Variants in NIPSNAP2 observed in about 807,000 individuals in gnomAD.
The protein encoded by NIPSNAP2 is nipsnap homolog 2.
NIPSNAP2 carries 42 observed loss-of-function variants against 48.4 expected under a neutral mutation model. The observed-to-expected ratio is 0.87, with a 90% CI of 0.68 to 1.12. The LOEUF is 1.12. Ranked by LOEUF, NIPSNAP2 falls within the 50% of genes most tolerant of loss-of-function variation. The pLI, the probability that NIPSNAP2 is intolerant of heterozygous loss-of-function variation, is 0.00. For missense variants in NIPSNAP2, 314 were observed against 347.3 expected, an observed-to-expected ratio of 0.90 and a Z score of 0.76; for synonymous variants, 158 against 126.6, an observed-to-expected ratio of 1.25 and a Z score of -1.67.
chr7:55,974,863 A>AG (rs1554341936), intron 1 of NIPSNAP2, among the ~76,000 whole-genome samples: 14 of 148,866 alleles, frequency 9.4e-5, no homozygotes, highest in Admixed American at 2.7e-4. Flanking sequence ...AAAAAAAAAA[A>AG]AAAAGAAATA....
chr7:55,982,287 A>G lies in NIPSNAP2; in HGVS notation c.444+7A>G. 6.5e-7 allele frequency: 1 copy of G among 1,539,436 alleles called. No individual in the cohort carries two copies. The highest frequency in any genetic ancestry group is 2.3e-5 in the East Asian group (1 of 44,312). On this transcript the variant is annotated splice_region_variant and intron_variant, in intron 5 of 9. Coordinates refer to ENST00000322090, the MANE Select transcript of NIPSNAP2 (RefSeq NM_001483.3). Reference sequence around the variant, plus strand: ...TAAACTCAGAGAAAATAAGGTAATGATATTGAAAAATGTTTACTTAGACTA... The same window carrying G: ...TAAACTCAGAGAAAATAAGGTAATGGTATTGAAAAATGTTTACTTAGACTA...
chr7:55,988,516 G>A (rs1047004310), intron 7 of NIPSNAP2, among the ~76,000 whole-genome samples: 2 of 152,086 alleles, frequency 1.3e-5, no homozygotes, highest in Non-Finnish European at 2.9e-5. Context: ...ATTGCTGATG[G>A]GAATGTAAAA....
intron 7 of NIPSNAP2, among the ~76,000 whole-genome samples, chr7:55,988,531 G>A (rs1387151544): frequency 6.6e-6 from 1 of 152,072 alleles, no homozygotes; most frequent in East Asian, 1.9e-4. Context: ...GTAAAATGGT[G>A]CAGCCACTTT....
intron 7 of NIPSNAP2, among the ~76,000 whole-genome samples, chr7:55,993,442 G>C (rs1433972191): frequency 6.6e-6 from 1 of 151,970 alleles, no homozygotes; most frequent in Non-Finnish European, 1.5e-5. Context: ...AGCCAGACGT[G>C]GTGGTGGGCG....
intron 3 of NIPSNAP2, chr7:55,980,562 C>T (rs1787192433): frequency 6.6e-6 from 1 of 152,158 alleles, no homozygotes. Context: ...TTTTTCTATT[C>T]AAAAAGTGTG....
chr7:55,996,324 A>T (rs1203331341), intron 8 of NIPSNAP2, among the ~76,000 whole-genome samples: 1 of 151,516 alleles, frequency 6.6e-6, no homozygotes, highest in African/African-American at 2.4e-5. Flanking sequence ...AGGCATCTGG[A>T]TGAGATACCT....
At position 55,978,223 on chromosome 7, in the gene NIPSNAP2, C is replaced by G. The variant is rs201209040; in HGVS notation, c.190C>G (p.Leu64Val). ...TCCAAGAAAAGATGCCCACTCCAAT[C>G]TCCTAGCCAAAAAGGAAACAAGCAA... ...VDPRKDAHSN[L>V]LAKKETSNLY... The change falls in exon 2 of 10, where the codon CTC (leucine) becomes GTC (valine). Residue 64 changes from leucine (L) to valine (V), a missense_variant. Leu to Val is a conservative substitution (Grantham distance 32, BLOSUM62 1). Coordinates refer to ENST00000322090, the MANE Select transcript of NIPSNAP2 (RefSeq NM_001483.3). 1.4e-5 allele frequency: 22 copies of G among 1,614,200 alleles called. No homozygotes were observed. Among genetic ancestry groups the G allele is most frequent in the Non-Finnish European group, 1.7e-5 (20 of 1,180,028 alleles).
intron 7 of NIPSNAP2, chr7:55,991,758 A>AG: frequency 5.9e-6 from 1 of 168,986 alleles, no homozygotes; most frequent in Non-Finnish European, 1.2e-5. Context: ...CAAAAAAAAA[A>AG]AAAAAAAATA....
chr7:55,983,998 T>TATATATGTA, intron 6 of NIPSNAP2, 130 bp downstream of exon 6: 17 of 672,022 alleles, frequency 2.5e-5, no homozygotes, highest in South Asian at 1.1e-4. Context: ...TATATATGTA[T>TATATATGTA]TTTTTTAAGA....
intron 5 of NIPSNAP2, among the ~76,000 whole-genome samples, chr7:55,982,506 T>A (rs956426759): frequency 1.3e-5 from 2 of 152,096 alleles, no homozygotes; most frequent in Admixed American, 6.6e-5. Flanking sequence ...CCCAGCACTT[T>A]GGGAGGCCAA....
chr7:55,988,626 G>A (rs1031788162), intron 7 of NIPSNAP2, among the ~76,000 whole-genome samples: 1 of 152,122 alleles, frequency 6.6e-6, no homozygotes, highest in Admixed American at 6.6e-5. Flanking sequence ...TAACGAGGCT[G>A]AGGGCGCGGA....
intron 7 of NIPSNAP2, among the ~76,000 whole-genome samples, chr7:55,987,949 GT>G (rs1213747465): frequency 1.3e-5 from 2 of 151,890 alleles, no homozygotes; most frequent in East Asian, 1.9e-4. Flanking sequence ...ATGTTAACGT[GT>G]TTTTTTTACC....
At chr7:55,973,247 A>G (rs973405064) in intron 1 of NIPSNAP2, among the ~76,000 whole-genome samples, 2 of 152,198 alleles carry the variant, frequency 1.3e-5, no homozygotes, top group Non-Finnish European at 2.9e-5. Context: ...GAATTTTTAT[A>G]TATAGTAAAC....
chr7:55,972,599 A>C (rs1042909577), intron 1 of NIPSNAP2, among the ~76,000 whole-genome samples: 9 of 151,476 alleles, frequency 5.9e-5, no homozygotes, highest in Non-Finnish European at 1.0e-4. Context: ...TGCCTGGCTA[A>C]TTTTATATTT....
intron 7 of NIPSNAP2, among the ~76,000 whole-genome samples, chr7:55,990,979 C>T (rs1202349797): frequency 6.6e-6 from 1 of 151,910 alleles, no homozygotes; most frequent in Non-Finnish European, 1.5e-5. Context: ...TTAGTAGAGA[C>T]AGAGTTTCGC....
chr7:55,979,739 T>G (rs1177289785), intron 3 of NIPSNAP2: 2 of 455,280 alleles, frequency 4.4e-6, no homozygotes. Context: ...TCACGTTTTT[T>G]CTTTTCTCTG....
chr7:55,994,142 G>T (rs1059309), intron 7 of NIPSNAP2, among the ~76,000 whole-genome samples: 28,119 of 152,034 alleles, frequency 0.18, 3,109 homozygotes, highest in East Asian at 0.35. Context: ...CCCCAGGGGT[G>T]GTCCCTGTCT....
chr7:55,989,617 C>A (rs940216833), intron 7 of NIPSNAP2, among the ~76,000 whole-genome samples: 1 of 151,024 alleles, frequency 6.6e-6, no homozygotes, highest in East Asian at 2.0e-4. Context: ...AGAGCAAGAT[C>A]CTGTCCCAAA....
intron 1 of NIPSNAP2, among the ~76,000 whole-genome samples, chr7:55,970,611 C>T (rs1336307246): frequency 6.6e-6 from 1 of 152,020 alleles, no homozygotes; most frequent in East Asian, 1.9e-4. Context: ...TGCGCTTGTC[C>T]GACACTTATA....
Sources: gnomAD v4.1 joint callset for allele counts (sites outside exome capture counted in the v4.1 genomes callset) on GRCh38, gnomAD v4.1.1 for gene constraint, MANE v1.5 for transcripts, NCBI Gene and HGNC (gene_info 2026-07-23, HGNC 2026-07-21) for gene names.